RFTN2: variants seen among roughly 807,000 people sequenced by gnomAD.
RFTN2 encodes raftlin-2.
RFTN2 carries 34 observed loss-of-function variants against 52.7 expected under a neutral mutation model. The ratio of observed to expected loss-of-function variants is 0.64; its 90% confidence interval spans 0.49 to 0.86. The LOEUF is 0.86. Among genes scored for constraint, RFTN2 ranks in the 40% least tolerant of loss-of-function variants. The probability of loss-of-function intolerance (pLI) is 0.00; values close to 1 mark genes in which losing one functional copy is unlikely to be tolerated. For missense variants in RFTN2, 536 were observed against 600.1 expected (o/e 0.89, Z 1.12); for synonymous variants, 203 against 217.7 (o/e 0.93, Z 0.59).
rs186930566 is a variant in RFTN2, at chr2:197,616,653, T to C, written c.1051-674A>G. Among the ~76,000 whole-genome samples the C allele has an allele frequency of 4.7e-4, 72 of 152,238 alleles. 2 individuals carry two copies. The South Asian group carries it at 8.3e-3, about 18-fold the overall frequency. Reference sequence around the variant, plus strand: ...GGATCCAAGAAGTTTCTAGAACACATTTCAGAAACATGGGTCTAGGGACCA... The same window carrying C: ...GGATCCAAGAAGTTTCTAGAACACACTTCAGAAACATGGGTCTAGGGACCA... On this transcript the variant is annotated intron_variant, in intron 6 of 8. Coordinates refer to ENST00000295049, the MANE Select transcript of RFTN2 (RefSeq NM_144629.3).
In RFTN2 at chr2:197,570,004, C is replaced by T. The variant is rs1412928166; in HGVS notation, c.*2004G>A. On this transcript the variant is annotated 3_prime_UTR_variant, in exon 9 of 9. Coordinates refer to ENST00000295049, the MANE Select transcript of RFTN2 (RefSeq NM_144629.3). ...CTTAGTCAAATATAAATTCCTATCT[C>T]TGTTTTTAATTTACTACTTCCAATC... 1 of 149,990 alleles carries T rather than the reference C, an allele frequency of 6.7e-6. No individual in the cohort carries two copies. The highest frequency in any genetic ancestry group is 1.5e-5 in the Non-Finnish European group (1 of 67,508). 9.3% of individuals were successfully genotyped at this position (149,990 alleles called of 1,614,324 possible).
At chr2:197,605,958 C>T (rs2106198897) in intron 7 of RFTN2, among the ~76,000 whole-genome samples, 1 of 152,262 alleles carries the variant, frequency 6.6e-6, no homozygotes, top group East Asian at 1.9e-4. Flanking sequence ...ACCATATTCA[C>T]CTGCCTTATA....
At chr2:197,652,939 T>A (rs946415866) in intron 1 of RFTN2, among the ~76,000 whole-genome samples, 8 of 152,232 alleles carry the variant, frequency 5.3e-5, no homozygotes, top group African/African-American at 1.9e-4. Flanking sequence ...TAATCTAATG[T>A]GATCGTTGGC....
At chr2:197,594,130 C>CTCAGGCTCCCAAG (rs1196125661) in intron 8 of RFTN2, among the ~76,000 whole-genome samples, 1 of 149,872 alleles carries the variant, frequency 6.7e-6, no homozygotes. Context: ...ATTCTCCTGC[C>CTCAGGCTCCCAAG]TCAGGCTCCC....
chr2:197,669,459 C>G (rs2089112598), intron 1 of RFTN2, among the ~76,000 whole-genome samples: 1 of 151,332 alleles, frequency 6.6e-6, no homozygotes, highest in African/African-American at 2.4e-5. Flanking sequence ...ATGCTTAAAA[C>G]TACTAACACT....
intron 5 of RFTN2, among the ~76,000 whole-genome samples, chr2:197,623,478 T>C (rs1559353564): frequency 2.6e-5 from 4 of 152,138 alleles, no homozygotes. Flanking sequence ...TCTTTCTTTT[T>C]TGTTGTTGTT....
intron 1 of RFTN2, among the ~76,000 whole-genome samples, chr2:197,653,368 G>A (rs2106259147): frequency 6.6e-6 from 1 of 152,236 alleles, no homozygotes; most frequent in East Asian, 1.9e-4. Context: ...AAAATAATAT[G>A]TGAGGAACAG....
chr2:197,617,028 T>C (rs575500753), intron 6 of RFTN2, among the ~76,000 whole-genome samples: 1 of 152,352 alleles, frequency 6.6e-6, no homozygotes, highest in South Asian at 2.1e-4. Flanking sequence ...TCAGCAGCAA[T>C]GTCATCTCTG....
chr2:197,660,568 T>C (rs562459638), intron 1 of RFTN2, among the ~76,000 whole-genome samples: 10 of 152,040 alleles, frequency 6.6e-5, no homozygotes, highest in Non-Finnish European at 1.5e-4. Context: ...TGAGTATTTA[T>C]CATTTCTTTT....
intron 5 of RFTN2, among the ~76,000 whole-genome samples, chr2:197,619,468 T>A (rs894579839): frequency 6.6e-6 from 1 of 152,082 alleles, no homozygotes; most frequent in Non-Finnish European, 1.5e-5. Context: ...CTCTGAAACA[T>A]GTGCTGTATC....
chr2:197,579,271 G>A (rs1464891650), intron 8 of RFTN2, among the ~76,000 whole-genome samples: 1 of 151,982 alleles, frequency 6.6e-6, no homozygotes, highest in East Asian at 1.9e-4. Context: ...CCTTGCCTGG[G>A]GGGCAATTGC....
chr2:197,597,996 A>G (rs893212296), intron 7 of RFTN2, among the ~76,000 whole-genome samples: 10 of 152,184 alleles, frequency 6.6e-5, no homozygotes, highest in African/African-American at 2.2e-4. Flanking sequence ...AAAGTTTCAG[A>G]ATCAAGAATA....
chr2:197,600,858 G>C (rs989755055), intron 7 of RFTN2, among the ~76,000 whole-genome samples: 2 of 152,178 alleles, frequency 1.3e-5, no homozygotes, highest in African/African-American at 4.8e-5. Context: ...TGATGTATTA[G>C]AAAACAAAGG....
chr2:197,633,719 T>C lies in RFTN2; in HGVS notation c.717A>G (p.Glu239=), dbSNP rs1559357468. The change falls in exon 4 of 9, where the codon GAA becomes GAG. Residue 239 remains glutamate, a splice_region_variant and synonymous_variant. Coordinates refer to ENST00000295049, the MANE Select transcript of RFTN2 (RefSeq NM_144629.3). ...SPTSSKSRKG[E]ASDNKLYTVF... ...CTTTCTACTAATCTTGTCTATTACC[T>C]TCTCCCTTTCTTGATTTAGAGGAAG... 2 of 1,612,466 alleles carry C rather than the reference T, an allele frequency of 1.2e-6. No individual in the cohort carries two copies. The highest frequency in any genetic ancestry group is 1.1e-5 in the South Asian group (1 of 90,974).
intron 1 of RFTN2, among the ~76,000 whole-genome samples, 159 bp from the exon 2 acceptor site, chr2:197,646,825 G>T (rs909566583): frequency 6.9e-6 from 1 of 145,038 alleles, no homozygotes; most frequent in African/African-American, 2.5e-5. Flanking sequence ...TGAGGCAGGG[G>T]GATTGTTTGA....
intron 1 of RFTN2, among the ~76,000 whole-genome samples, chr2:197,670,225 A>T (rs1326277540): frequency 6.6e-6 from 1 of 152,158 alleles, no homozygotes; most frequent in Non-Finnish European, 1.5e-5. Flanking sequence ...CCAACCCTTT[A>T]AGGGTATTTG....
chr2:197,648,495 T>C (rs1015595768), intron 1 of RFTN2, among the ~76,000 whole-genome samples: 1 of 152,340 alleles, frequency 6.6e-6, no homozygotes, highest in East Asian at 1.9e-4. Flanking sequence ...TTGGTTTTGC[T>C]CTTTAGTATT....
chr2:197,587,790 C>T (rs932046340), intron 8 of RFTN2, among the ~76,000 whole-genome samples: 2 of 152,198 alleles, frequency 1.3e-5, no homozygotes, highest in African/African-American at 4.8e-5. Context: ...CCTCATTTCA[C>T]ATTAAATAAT....
At chr2:197,650,934 T>C (rs1598469) in intron 1 of RFTN2, among the ~76,000 whole-genome samples, 106,253 of 152,116 alleles carry the variant, frequency 0.7, 37,637 homozygotes, top group Middle Eastern at 0.85. Context: ...TCTAATTGTC[T>C]GCATCCTCAC....
Sources: gnomAD v4.1 joint callset for allele counts (sites outside exome capture counted in the v4.1 genomes callset) on GRCh38, gnomAD v4.1.1 for gene constraint, MANE v1.5 for transcripts, NCBI Gene and HGNC (gene_info 2026-07-23, HGNC 2026-07-21) for gene names.